AGBL4: variants seen among roughly 807,000 people sequenced by gnomAD.
AGBL4 encodes cytosolic carboxypeptidase 6.
AGBL4 carries 58 observed loss-of-function variants against 66.4 expected under a neutral mutation model. The ratio of observed to expected loss-of-function variants is 0.87; its 90% CI spans 0.71 to 1.09. The LOEUF (loss-of-function observed/expected upper bound fraction) is 1.09. Among genes scored for constraint, AGBL4 ranks in the 50% least tolerant of loss-of-function variants. AGBL4 has a pLI of 0.00. For missense variants in AGBL4, 579 were observed against 631.0 expected, an observed-to-expected ratio of 0.92 and a Z score of 0.88; for synonymous variants, 234 against 222.9, an observed-to-expected ratio of 1.05 and a Z score of -0.44.
intron 10 of AGBL4, among the ~76,000 whole-genome samples, chr1:48,587,570 C>T (rs1472255767): frequency 6.6e-6 from 1 of 151,772 alleles, no homozygotes; most frequent in East Asian, 1.9e-4. Context: ...TGAGTTCAGC[C>T]TAGGCAACAT....
intron 4 of AGBL4, among the ~76,000 whole-genome samples, chr1:49,049,891 A>G (rs921529054): frequency 1.8e-4 from 28 of 152,220 alleles, no homozygotes; most frequent in African/African-American, 6.7e-4. Context: ...AGCATGGACC[A>G]TATGCTAGGC....
chr1:49,880,433 G>A (rs1293315317), intron 1 of AGBL4, among the ~76,000 whole-genome samples: 2 of 152,142 alleles, frequency 1.3e-5, no homozygotes, highest in East Asian at 3.9e-4. Flanking sequence ...TGAGGTGTCA[G>A]TGTGCCCCTG....
chr1:48,927,447 C>G (rs1654679850), intron 5 of AGBL4, among the ~76,000 whole-genome samples: 1 of 152,156 alleles, frequency 6.6e-6, no homozygotes, highest in Non-Finnish European at 1.5e-5. Context: ...CCAGGTCCCT[C>G]CCATGAAATG....
At chr1:49,024,769 AAC>A (rs1663515993) in intron 5 of AGBL4, among the ~76,000 whole-genome samples, 1 of 152,166 alleles carries the variant, frequency 6.6e-6, no homozygotes, top group African/African-American at 2.4e-5. Flanking sequence ...TATATCCAAG[AAC>A]TTACAAACAA....
chr1:49,564,590 G>A (rs1297029279), intron 3 of AGBL4, among the ~76,000 whole-genome samples: 1 of 152,146 alleles, frequency 6.6e-6, no homozygotes, highest in Non-Finnish European at 1.5e-5. Context: ...GGAGCAGGTT[G>A]TTCAGTTTCC....
At chr1:48,598,305 C>A (rs1189318828) in intron 9 of AGBL4, among the ~76,000 whole-genome samples, 1 of 152,132 alleles carries the variant, frequency 6.6e-6, no homozygotes, top group African/African-American at 2.4e-5. Context: ...TCATGCAACA[C>A]TTACTGATGG....
intron 6 of AGBL4, among the ~76,000 whole-genome samples, chr1:48,726,218 C>G (rs1419098842): frequency 6.6e-6 from 1 of 152,206 alleles, no homozygotes; most frequent in Non-Finnish European, 1.5e-5. Context: ...ACTATTCCCC[C>G]CTTAACCTAA....
intron 4 of AGBL4, among the ~76,000 whole-genome samples, chr1:49,152,515 T>C (rs2148122754): frequency 6.6e-6 from 1 of 152,198 alleles, no homozygotes. Flanking sequence ...ACCCTGTGAG[T>C]TGCATCAAAA....
At chr1:49,014,645 C>T (rs948035879) in intron 5 of AGBL4, among the ~76,000 whole-genome samples, 9 of 152,156 alleles carry the variant, frequency 5.9e-5, no homozygotes, top group African/African-American at 2.2e-4. Flanking sequence ...TGTTAGTCAC[C>T]ATGCACAAAA....
intron 3 of AGBL4, among the ~76,000 whole-genome samples, chr1:49,346,548 T>C (rs1483570556): frequency 6.6e-6 from 1 of 152,224 alleles, no homozygotes; most frequent in African/African-American, 2.4e-5. Flanking sequence ...GAATGCAGGA[T>C]AAGCTTATTC....
At chr1:48,649,525 G>T (rs2148436837) in intron 8 of AGBL4, among the ~76,000 whole-genome samples, 1 of 152,260 alleles carries the variant, frequency 6.6e-6, no homozygotes, top group South Asian at 2.1e-4. Context: ...TACTCTTACT[G>T]TAAACCATAG....
At chr1:49,903,178 A>G (rs1649940624) in intron 1 of AGBL4, among the ~76,000 whole-genome samples, 1 of 152,194 alleles carries the variant, frequency 6.6e-6, no homozygotes, top group Non-Finnish European at 1.5e-5. Context: ...AAAGAATGAG[A>G]TTATATCCTT....
chr1:49,678,630 C>T (rs778202445), intron 3 of AGBL4, among the ~76,000 whole-genome samples: 3 of 151,994 alleles, frequency 2.0e-5, no homozygotes, highest in Admixed American at 1.3e-4. Context: ...GTTTAGCTAC[C>T]GGCCACAAAT....
At chr1:49,758,367 C>T (rs1417711955) in intron 2 of AGBL4, among the ~76,000 whole-genome samples, 3 of 152,058 alleles carry the variant, frequency 2.0e-5, no homozygotes, top group Non-Finnish European at 4.4e-5. Context: ...ACTGGGGGTG[C>T]TACCTAGTGT....
chr1:49,106,113 G>A (rs776188103), intron 4 of AGBL4, among the ~76,000 whole-genome samples: 7 of 152,072 alleles, frequency 4.6e-5, no homozygotes, highest in South Asian at 4.1e-4. Context: ...CTTTGGTGAC[G>A]GACCCCAGTG....
At chr1:49,683,378 GATAATAGTAAGTAATA>G (rs1466652634) in intron 3 of AGBL4, among the ~76,000 whole-genome samples, 1 of 152,102 alleles carries the variant, frequency 6.6e-6, no homozygotes, top group African/African-American at 2.4e-5. Flanking sequence ...CAGAAACCAA[GATAATAGTAAGTAATA>G]ATAATAGTAG....
In AGBL4 at chr1:50,009,473, T is replaced by TAA. The variant is rs76442066; in HGVS notation, c.34+14288_34+14289dup. 8.7e-5 allele frequency among the ~76,000 whole-genome samples: 12 copies of TAA among 137,834 alleles called. No individual in the cohort carries two copies. In the East Asian group the frequency reaches 1.2e-3, roughly 14 times the overall value. The allele number at this position is 137,834 out of a possible 152,430, so 90.4% of individuals were successfully genotyped here. Reference sequence around the variant, plus strand: ...GATAAAATTCAACATCCTTTCATGATAAAAAAAAAAAACTCAAAAAACTGG... The same window carrying TAA: ...GATAAAATTCAACATCCTTTCATGATAAAAAAAAAAAAAACTCAAAAAACTGG... On this transcript the variant is annotated intron_variant, in intron 1 of 13. Coordinates refer to ENST00000371839, the MANE Select transcript of AGBL4 (RefSeq NM_032785.4).
chr1:49,246,407 C>T (rs1052712045), intron 3 of AGBL4, among the ~76,000 whole-genome samples: 27 of 151,778 alleles, frequency 1.8e-4, no homozygotes, highest in Admixed American at 1.6e-3. Flanking sequence ...GCTATTAAAA[C>T]ATTCTACAAC....
At chr1:48,707,380 C>T (rs1646897660) in intron 6 of AGBL4, among the ~76,000 whole-genome samples, 1 of 152,050 alleles carries the variant, frequency 6.6e-6, no homozygotes, top group Non-Finnish European at 1.5e-5. Flanking sequence ...CAGCACTGGG[C>T]AATTGTGGGA....
Sources: gnomAD v4.1 joint callset for allele counts (sites outside exome capture counted in the v4.1 genomes callset) on GRCh38, gnomAD v4.1.1 for gene constraint, MANE v1.5 for transcripts, NCBI Gene and HGNC (gene_info 2026-07-23, HGNC 2026-07-21) for gene names.